LIN7A: variants seen among roughly 807,000 people sequenced by gnomAD.
LIN7A encodes protein lin-7 homolog A.
Under a neutral mutation model 29.8 loss-of-function variants are expected in LIN7A, and 25 were observed. The ratio of observed to expected loss-of-function variants is 0.84; its 90% confidence interval spans 0.61 to 1.17. The LOEUF (loss-of-function observed/expected upper bound fraction) is 1.17. LIN7A is among the 50% of genes most tolerant of loss of function. The probability of loss-of-function intolerance (pLI) is 0.00; values close to 1 mark genes in which losing one functional copy is unlikely to be tolerated. For missense variants in LIN7A, 239 were observed against 287.0 expected (o/e 0.83, Z 1.21); for synonymous variants, 118 against 107.5 (o/e 1.10, Z -0.60).
At chr12:80,876,925 T>A (rs889960695) in intron 2 of LIN7A, among the ~76,000 whole-genome samples, 3 of 151,724 alleles carry the variant, frequency 2.0e-5, no homozygotes, top group Non-Finnish European at 4.4e-5. Context: ...AGTTCGAGAC[T>A]ACCCTGGCCA....
chr12:80,888,129 G>A (rs983717294), intron 2 of LIN7A, among the ~76,000 whole-genome samples: 3 of 152,082 alleles, frequency 2.0e-5, no homozygotes, highest in Admixed American at 2.0e-4. Flanking sequence ...TTAAAACTTA[G>A]AGACGTTATT....
chr12:80,801,132 T>G (rs1397504534), intron 5 of LIN7A, among the ~76,000 whole-genome samples: 2 of 130,552 alleles, frequency 1.5e-5, no homozygotes, highest in African/African-American at 9.2e-5. Flanking sequence ...GAGAAAAAAC[T>G]GTGTACTAAA....
chr12:80,886,277 T>C (rs1056704143), intron 2 of LIN7A, among the ~76,000 whole-genome samples: 1 of 152,132 alleles, frequency 6.6e-6, no homozygotes, highest in Admixed American at 6.5e-5. Context: ...CTCACTATAA[T>C]GCAACTTCGA....
intron 2 of LIN7A, among the ~76,000 whole-genome samples, chr12:80,849,381 C>A (rs771642604): frequency 2.6e-5 from 4 of 152,146 alleles, no homozygotes; most frequent in Non-Finnish European, 5.9e-5. Flanking sequence ...GCTCTAATAG[C>A]CCATTTCAGA....
intron 2 of LIN7A, among the ~76,000 whole-genome samples, chr12:80,849,151 G>A (rs1873211570): frequency 6.6e-6 from 1 of 152,120 alleles, no homozygotes; most frequent in Admixed American, 6.6e-5. Flanking sequence ...TTTTAGCTCT[G>A]AATCTCCACT....
intron 1 of LIN7A, among the ~76,000 whole-genome samples, chr12:80,898,040 C>T (rs1876001934): frequency 6.6e-6 from 1 of 151,992 alleles, no homozygotes; most frequent in Non-Finnish European, 1.5e-5. Context: ...ATTATGAAGT[C>T]TTTGCTGAAC....
intron 2 of LIN7A, among the ~76,000 whole-genome samples, chr12:80,849,463 C>T (rs1008543033): frequency 3.9e-5 from 6 of 152,124 alleles, no homozygotes; most frequent in African/African-American, 1.4e-4. Context: ...CACCCTAGCT[C>T]ATTATCTCTT....
chr12:80,846,842 G>C (rs934971252), intron 3 of LIN7A, among the ~76,000 whole-genome samples: 2 of 152,134 alleles, frequency 1.3e-5, no homozygotes, highest in African/African-American at 2.4e-5. Context: ...CACTTAGGTA[G>C]TTTCTATCAA....
At chr12:80,848,124 T>C (rs1175565968) in intron 3 of LIN7A, 127 bp downstream of exon 3, 2 of 739,926 alleles carry the variant, frequency 2.7e-6, no homozygotes. Flanking sequence ...GGTTCTAGAC[T>C]CTGGGCTGCC....
At chr12:80,823,833 T>C (rs1736756283) in intron 4 of LIN7A, among the ~76,000 whole-genome samples, 1 of 152,162 alleles carries the variant, frequency 6.6e-6, no homozygotes, top group South Asian at 2.1e-4. Context: ...TGAATAATAA[T>C]AGTGACACAA....
chr12:80,916,049 A>T (rs1484946060), intron 1 of LIN7A, among the ~76,000 whole-genome samples: 1 of 152,088 alleles, frequency 6.6e-6, no homozygotes, highest in Non-Finnish European at 1.5e-5. Flanking sequence ...GGGGGAAAAA[A>T]TCCTGTTTAC....
At chr12:80,882,475 G>T (rs1468707142) in intron 2 of LIN7A, among the ~76,000 whole-genome samples, 1 of 149,230 alleles carries the variant, frequency 6.7e-6, no homozygotes, top group Non-Finnish European at 1.5e-5. Flanking sequence ...TAGTAGAGAC[G>T]GGGTTTCACC....
chr12:80,883,226 G>A (rs1001416226), intron 2 of LIN7A, among the ~76,000 whole-genome samples: 2 of 151,732 alleles, frequency 1.3e-5, no homozygotes, highest in African/African-American at 4.8e-5. Context: ...TGTCACTAAT[G>A]AGCCAAGTAT....
chr12:80,892,436 A>G (rs536956330), intron 1 of LIN7A, among the ~76,000 whole-genome samples: 1 of 152,278 alleles, frequency 6.6e-6, no homozygotes, highest in South Asian at 2.1e-4. Context: ...CCTTGCTTGG[A>G]TCTGGACTAG....
chr12:80,937,798 A>C lies in LIN7A; in HGVS notation c.-76T>G. 2.8e-5 allele frequency: 2 copies of C among 72,614 alleles called. No individual in the cohort carries two copies. The highest frequency in any genetic ancestry group is 2.0e-4 in the East Asian group (1 of 4,890). The allele number at this position is 72,614 out of a possible 1,614,324, so 4.5% of individuals were successfully genotyped here. On this transcript the variant is annotated 5_prime_UTR_variant, in exon 1 of 6. Coordinates refer to ENST00000552864, the MANE Select transcript of LIN7A (RefSeq NM_004664.4). The stretch of plus-strand genomic sequence containing the variant: ...GAGAGGGAAGACGGAAAGGAGGGGG[A>C]GGAGGGGGAAGGAAGGAAGGTGGTG...
chr12:80,924,087 A>G (rs1009643146), intron 1 of LIN7A, among the ~76,000 whole-genome samples: 1 of 152,212 alleles, frequency 6.6e-6, no homozygotes, highest in South Asian at 2.1e-4. Context: ...TATCTGCATA[A>G]TAACTGTCTT....
chr12:80,837,478 G>A (rs1300073163), intron 4 of LIN7A, among the ~76,000 whole-genome samples: 1 of 151,924 alleles, frequency 6.6e-6, no homozygotes, highest in Non-Finnish European at 1.5e-5. Flanking sequence ...GGAATGAGGT[G>A]GCCACAAATC....
Position 80,811,487 on chromosome 12 carries a change from G to T in LIN7A, c.680C>A (p.Thr227Lys), listed in dbSNP as rs1871287636. ...QQQQQQQQQQ[T>K]QQNHMS Reference sequence around the variant, plus strand: ...CACCTATGACATGTGGTTTTGTTGTGTTTGTTGCTGCTGCTGCTGTTGCTG... The same window carrying T: ...CACCTATGACATGTGGTTTTGTTGTTTTTGTTGCTGCTGCTGCTGTTGCTG... Residue 227 changes from threonine (T) to lysine (K), a missense_variant, in exon 5 of 6, where the codon ACA (threonine) becomes AAA (lysine). Thr to Lys is a moderately conservative substitution (Grantham distance 78). Coordinates refer to ENST00000552864, the MANE Select transcript of LIN7A (RefSeq NM_004664.4). 2.0e-6 allele frequency: 3 copies of T among 1,526,442 alleles called. No homozygotes were observed. The highest frequency in any genetic ancestry group is 2.7e-6 in the Non-Finnish European group (3 of 1,111,332). 94.6% of individuals were successfully genotyped at this position (1,526,442 alleles called of 1,614,324 possible).
At chr12:80,819,810 G>A (rs898718129) in intron 4 of LIN7A, among the ~76,000 whole-genome samples, 5 of 152,134 alleles carry the variant, frequency 3.3e-5, no homozygotes, top group Admixed American at 6.5e-5. Flanking sequence ...TTTACAAAGC[G>A]TCCAACAAAC....
Sources: allele counts gnomAD v4.1 joint callset (sites outside exome capture counted in the v4.1 genomes callset), GRCh38; gene constraint gnomAD v4.1.1; transcripts MANE v1.5; gene names NCBI Gene and HGNC (gene_info 2026-07-23, HGNC 2026-07-21).